Variants in ARID1B observed in about 807,000 individuals in gnomAD.
The protein encoded by ARID1B is AT-rich interactive domain-containing protein 1B.
A neutral mutation model predicts 212.3 loss-of-function variants in ARID1B; 30 were observed. The ratio of observed to expected loss-of-function variants is 0.14; its 90% CI spans 0.11 to 0.19. The LOEUF (loss-of-function observed/expected upper bound fraction) is 0.19. ARID1B is among the 10% of genes least tolerant of loss of function. The pLI is 1.00. For synonymous variants in ARID1B, 1,402 were observed against 1,301.7 expected (o/e 1.08, Z -1.66); for missense variants, 2,891 against 3,204.0 (o/e 0.90, Z 2.36).
At chr6:156,831,054 G>C (rs1412315483) in intron 2 of ARID1B, among the ~76,000 whole-genome samples, 2 of 152,058 alleles carry the variant, frequency 1.3e-5, no homozygotes, top group Non-Finnish European at 2.9e-5. Context: ...GCAATATTTT[G>C]CTGCCTAGAG....
At chr6:157,135,181 C>T (rs1788827823) in intron 7 of ARID1B, among the ~76,000 whole-genome samples, 1 of 151,726 alleles carries the variant, frequency 6.6e-6, no homozygotes, top group Non-Finnish European at 1.5e-5. Flanking sequence ...GAGTTCTTAT[C>T]CAAACTGCTG....
At chr6:157,125,831 A>C (rs376155541) in intron 6 of ARID1B, among the ~76,000 whole-genome samples, 23 of 152,332 alleles carry the variant, frequency 1.5e-4, no homozygotes, top group African/African-American at 5.5e-4. Context: ...TGGAAGAGAA[A>C]GGAGGTGATA....
At chr6:156,921,168 T>C (rs1790755150) in intron 3 of ARID1B, among the ~76,000 whole-genome samples, 1 of 152,142 alleles carries the variant, frequency 6.6e-6, no homozygotes, top group African/African-American at 2.4e-5. Flanking sequence ...AATATATTAG[T>C]CACCTTGCTT....
chr6:156,858,530 C>T (rs1296732651), intron 2 of ARID1B, among the ~76,000 whole-genome samples: 3 of 152,142 alleles, frequency 2.0e-5, no homozygotes, highest in Non-Finnish European at 4.4e-5. Flanking sequence ...CTTTGGGAGG[C>T]CACGGTGGTC....
rs1308252432 is a variant in ARID1B, at chr6:156,812,968, GTGTGTGTGTA to G, written c.1792-16255_1792-16246del. 1.2e-3 allele frequency among the ~76,000 whole-genome samples: 160 copies of G among 136,160 alleles called. 1 individual carries two copies. Among genetic ancestry groups the G allele is most frequent in the African/African-American group, 4.6e-3 (154 of 33,702 alleles). The allele number at this position is 136,160 out of a possible 152,430, so 89.3% of individuals were successfully genotyped here. On this transcript the variant is annotated intron_variant, in intron 1 of 19. Transcript: ENST00000636930. ...TGTGTGTGTGTGTGTGTGTGTGTGT[GTGTGTGTGTA>G]TGTATATACATACGTATGTATATAC...
intron 3 of ARID1B, among the ~76,000 whole-genome samples, chr6:156,914,402 C>T (rs1031697237): frequency 6.6e-6 from 1 of 152,324 alleles, no homozygotes; most frequent in African/African-American, 2.4e-5. Context: ...CGGTATCTTC[C>T]TCCTCGGAGC....
At chr6:156,903,072 G>A (rs1169047975) in intron 3 of ARID1B, among the ~76,000 whole-genome samples, 1 of 152,064 alleles carries the variant, frequency 6.6e-6, no homozygotes, top group Non-Finnish European at 1.5e-5. Context: ...AAACCGATTT[G>A]ATTAATGATT....
At chr6:157,088,585 A>G (rs1021644999) in intron 5 of ARID1B, among the ~76,000 whole-genome samples, 2 of 152,204 alleles carry the variant, frequency 1.3e-5, no homozygotes, top group East Asian at 1.9e-4. Context: ...TCCAGCGTGC[A>G]TTATGTTATA....
At chr6:156,875,388 C>T (rs1786463871) in intron 2 of ARID1B, among the ~76,000 whole-genome samples, 1 of 152,196 alleles carries the variant, frequency 6.6e-6, no homozygotes, top group South Asian at 2.1e-4. Context: ...TCTATATTTT[C>T]TTCCTTAAAA....
At chr6:157,182,865 C>G (rs1792666527) in intron 12 of ARID1B, among the ~76,000 whole-genome samples, 2 of 152,126 alleles carry the variant, frequency 1.3e-5, no homozygotes. Context: ...CCCTGGACTC[C>G]CCTGACCTTT....
chr6:156,780,902 G>C (rs1372598120), intron 1 of ARID1B, among the ~76,000 whole-genome samples: 1 of 152,178 alleles, frequency 6.6e-6, no homozygotes, highest in Admixed American at 6.5e-5. Context: ...TTTTGGATTT[G>C]TAAAGCCTTT....
intron 2 of ARID1B, among the ~76,000 whole-genome samples, chr6:156,881,713 G>T (rs969138290): frequency 5.3e-5 from 8 of 152,146 alleles, no homozygotes; most frequent in Non-Finnish European, 1.2e-4. Flanking sequence ...ATTCCAAATG[G>T]TAGATATTCC....
intron 1 of ARID1B, among the ~76,000 whole-genome samples, chr6:156,828,507 C>T (rs1300599658): frequency 6.6e-6 from 1 of 152,176 alleles, no homozygotes; most frequent in East Asian, 1.9e-4. Context: ...AGGGCTGAGG[C>T]TCCACGCCTA....
At chr6:157,043,377 G>A (rs923747890) in intron 4 of ARID1B, among the ~76,000 whole-genome samples, 1 of 152,112 alleles carries the variant, frequency 6.6e-6, no homozygotes, top group African/African-American at 2.4e-5. Context: ...ACCATCCTCA[G>A]AGCTCAACAG....
chr6:157,082,779 C>G (rs1784719101), intron 4 of ARID1B, among the ~76,000 whole-genome samples: 1 of 152,152 alleles, frequency 6.6e-6, no homozygotes, highest in Non-Finnish European at 1.5e-5. Flanking sequence ...TGTTGCTGTT[C>G]TGTTGTTTCC....
chr6:157,022,216 G>C (rs1780356192), intron 4 of ARID1B: 1 of 152,450 alleles, frequency 6.6e-6, no homozygotes, highest in Non-Finnish European at 1.5e-5. Flanking sequence ...GAGGCTGGCA[G>C]GCCGCCGCCA....
intron 2 of ARID1B, chr6:156,829,780 T>A (rs1206293188): frequency 5.9e-6 from 1 of 168,948 alleles, no homozygotes; most frequent in Admixed American, 6.3e-5. Context: ...GAATAGACCA[T>A]CTTAAGGTGA....
intron 1 of ARID1B, among the ~76,000 whole-genome samples, chr6:156,823,182 A>G (rs1782484686): frequency 6.6e-6 from 1 of 152,084 alleles, no homozygotes; most frequent in South Asian, 2.1e-4. Context: ...CGGCCGGGCC[A>G]TGGATTCTTT....
chr6:157,084,589 A>AT, intron 4 of ARID1B, 73 bp from the exon 5 acceptor site: 1 of 1,541,116 alleles, frequency 6.5e-7, no homozygotes, highest in Non-Finnish European at 8.8e-7. Context: ...CGTCATTATG[A>AT]TTTTCAAGTC....
Sources: gnomAD v4.1 joint callset for allele counts (sites outside exome capture counted in the v4.1 genomes callset) on GRCh38, gnomAD v4.1.1 for gene constraint, MANE v1.5 for transcripts, NCBI Gene and HGNC (gene_info 2026-07-23, HGNC 2026-07-21) for gene names.